Variants in MICAL3 observed in about 807,000 individuals in gnomAD.
MICAL3 encodes [F-actin]-monooxygenase MICAL3.
In MICAL3, 62 loss-of-function variants were observed where a neutral mutation model predicts 207.4. The observed-to-expected ratio is 0.30, with a 90% CI of 0.24 to 0.37. The LOEUF is 0.37. MICAL3 is among the 10% of genes least tolerant of loss of function. The pLI is 1.00. For synonymous variants in MICAL3, 1,077 were observed against 1,069.3 expected (o/e 1.01, Z -0.14); for missense variants, 2,368 against 2,635.6 (o/e 0.90, Z 2.22).
chr22:17,880,351 G>A (rs1403675469), intron 16 of MICAL3, among the ~76,000 whole-genome samples: 1 of 152,240 alleles, frequency 6.6e-6, no homozygotes, highest in Non-Finnish European at 1.5e-5. Context: ...AGCTTGAGAA[G>A]AACTGAGCGT....
intron 27 of MICAL3, chr22:17,813,618 A>C (rs1324154924): frequency 6.6e-6 from 1 of 152,274 alleles, no homozygotes; most frequent in Non-Finnish European, 1.5e-5. Flanking sequence ...CACAGGAACT[A>C]TGGACCACAC....
At chr22:17,919,234 G>A (rs1304772983) in intron 1 of MICAL3, among the ~76,000 whole-genome samples, 1 of 152,018 alleles carries the variant, frequency 6.6e-6, no homozygotes, top group Non-Finnish European at 1.5e-5. Context: ...ATAGCTAATT[G>A]TTTTTTACTT....
rs190031511 is a variant in MICAL3 at position 17,831,824 on chromosome 22, C to G, written c.3055+30G>C. 4.9e-5 allele frequency: 75 copies of G among 1,543,140 alleles called. No homozygotes were observed. In the African/African-American group the frequency reaches 9.1e-4, roughly 19 times the overall value. ...AAACAGATCACTTTGGGGGGCAGGG[C>G]AGAGTTCGGAGCAGAGATTTTGTTC... On this transcript the variant is annotated intron_variant, in intron 21 of 31. Coordinates refer to ENST00000441493, the MANE Select transcript of MICAL3 (RefSeq NM_015241.3).
rs1326789652 is a variant in MICAL3 at position 17,841,277 on chromosome 22, T to G, written c.2801+545A>C. On this transcript the variant is annotated intron_variant, in intron 20 of 31. Coordinates refer to ENST00000441493, the MANE Select transcript of MICAL3 (RefSeq NM_015241.3). The surrounding 1 kb of genome is among the most constrained non-coding windows in gnomAD (Gnocchi z 4.2). ...GTGGATATAGGGAGTCCTAGGGTTATAGCATGCACATCCCCAAAGGTGTCA... is the reference window on the plus strand; with the variant it reads ...GTGGATATAGGGAGTCCTAGGGTTAGAGCATGCACATCCCCAAAGGTGTCA... The G allele has an allele frequency of 1.2e-5, 2 of 170,434 alleles. No individual in the cohort carries two copies. The highest frequency in any genetic ancestry group is 4.7e-5 in the African/African-American group (2 of 42,116). The allele number at this position is 170,434 out of a possible 1,614,324, so 10.6% of individuals were successfully genotyped here.
At chr22:17,807,263 C>G (rs1218341863) in intron 29 of MICAL3, among the ~76,000 whole-genome samples, 2 of 152,222 alleles carry the variant, frequency 1.3e-5, no homozygotes, top group Admixed American at 6.5e-5. Context: ...CGCAGTCGGG[C>G]ACAGGTGGGC....
chr22:17,821,878 A>G (rs1378138848), intron 24 of MICAL3, among the ~76,000 whole-genome samples, 152 bp downstream of exon 24: 9 of 152,262 alleles, frequency 5.9e-5, no homozygotes, highest in Admixed American at 5.9e-4. Flanking sequence ...GAGGGTGGAC[A>G]GAGGAGGAAA....
In MICAL3 at chr22:17,902,127, G is replaced by A. The variant is rs1239862718; in HGVS notation, c.590-148C>T. On this transcript the variant is annotated intron_variant, in intron 4 of 31. Coordinates refer to ENST00000441493, the MANE Select transcript of MICAL3 (RefSeq NM_015241.3). This position sits in a 1 kb window ranked among gnomAD's most constrained non-coding sequence, Gnocchi z 4.5. ...AGCAGTGGAGACAGAGGCTGTGCAC[G>A]GTGGCTCGTGCCTCTAATCCCAGCA... 3 of 623,364 alleles carry A rather than the reference G, an allele frequency of 4.8e-6. No individual in the cohort carries two copies. Among genetic ancestry groups the A allele is most frequent in the Admixed American group, 5.4e-5 (2 of 37,338 alleles). The allele number at this position is 623,364 out of a possible 1,614,324, so 38.6% of individuals were successfully genotyped here.
At chr22:17,963,740 G>A (rs1003718921) in intron 1 of MICAL3, among the ~76,000 whole-genome samples, 4 of 152,172 alleles carry the variant, frequency 2.6e-5, no homozygotes, top group Admixed American at 2.6e-4. Context: ...TGCTGATCCA[G>A]CCAGGAGGGT....
intron 28 of MICAL3, 96 bp downstream of exon 28, chr22:17,810,607 C>T (rs1011514555): frequency 1.4e-5 from 14 of 1,001,150 alleles, no homozygotes; most frequent in Admixed American, 9.4e-5. Flanking sequence ...CTCTGCTCTG[C>T]ACTGTGCTTG....
At chr22:17,887,135 A>G (rs760771320) in intron 15 of MICAL3, 35 bp downstream of exon 15, 29 of 1,572,408 alleles carry the variant, frequency 1.8e-5, no homozygotes, top group African/African-American at 2.7e-5. Flanking sequence ...GCTATTCCAC[A>G]TGACCATTCT....
intron 1 of MICAL3, among the ~76,000 whole-genome samples, chr22:17,981,137 C>T (rs1935890122): frequency 6.6e-6 from 1 of 152,156 alleles, no homozygotes; most frequent in Non-Finnish European, 1.5e-5. Flanking sequence ...ATGCAGCACA[C>T]AATGGTAATA....
In MICAL3 at chr22:17,855,422, T is replaced by G. The variant is rs114593987; in HGVS notation, c.2605+9477A>C. On this transcript the variant is annotated intron_variant, in intron 19 of 31. Transcript: ENST00000441493. ...CTTTGAAACGTATCAGAAAATGAGGTGGTAGAGGAAAAGCCAACAGATTTA... is the reference window on the plus strand; with the variant it reads ...CTTTGAAACGTATCAGAAAATGAGGGGGTAGAGGAAAAGCCAACAGATTTA... Among the ~76,000 whole-genome samples, 617 of 151,918 alleles carry G rather than the reference T, an allele frequency of 4.1e-3. 1 individual carries two copies. Among genetic ancestry groups the G allele is most frequent in the African/African-American group, 0.014 (592 of 41,394 alleles).
At chr22:17,896,589 C>G in intron 8 of MICAL3, 135 bp downstream of exon 8, 1 of 950,416 alleles carries the variant, frequency 1.1e-6, no homozygotes, top group Non-Finnish European at 1.6e-6. Flanking sequence ...TCCTCTACTT[C>G]CTGGTGTGAC....
At chr22:17,947,740 T>TA (rs5844333) in intron 1 of MICAL3, among the ~76,000 whole-genome samples, 35,163 of 151,878 alleles carry the variant, frequency 0.23, 4,304 homozygotes, top group Middle Eastern at 0.29. Context: ...GATATTTTCT[T>TA]AAATTTTTTG....
chr22:17,818,181 A>C lies in MICAL3; in HGVS notation c.4480T>G (p.Trp1494Gly), dbSNP rs199672102. ...GCAGGCTCCCGGGGGGGCCGCATCC[A>C]GGTGGCGGGCAAGGGCGGCGGGACC... ...SVVPPPLPAT[W>G]MRPPREPAQP... The change falls in exon 26 of 32, where the codon TGG (tryptophan) becomes GGG (glycine). Residue 1494 changes from tryptophan to glycine, a missense_variant. By Grantham distance (184) the Trp-to-Gly change is radical (BLOSUM62 -2). Around this residue, in one of 4 missense-constraint regions of MICAL3, gnomAD observed 1,770 missense variants for 1,863.2 expected, o/e 0.95. Transcript: ENST00000441493. 1.2e-3 allele frequency: 1,878 copies of C among 1,578,782 alleles called. 1 individual carries two copies. Among genetic ancestry groups the C allele is most frequent in the Non-Finnish European group, 1.4e-3 (1,647 of 1,167,488 alleles).
chr22:17,928,433 C>T (rs924362810), intron 1 of MICAL3, among the ~76,000 whole-genome samples: 4 of 137,774 alleles, frequency 2.9e-5, no homozygotes, highest in African/African-American at 6.1e-5. Flanking sequence ...AGCAAGACTC[C>T]GTCTCAAAAA....
chr22:17,902,480 T>TAAGGCTGCATCCAGGCCAAGTCCCCA lies in MICAL3; in HGVS notation c.589+125_589+150dup, dbSNP rs1931404858. On this transcript the variant is annotated intron_variant, in intron 4 of 31. Coordinates refer to ENST00000441493, the MANE Select transcript of MICAL3 (RefSeq NM_015241.3). The surrounding 1 kb of genome is among the most constrained non-coding windows in gnomAD (Gnocchi z 4.5). ...CCACCACATGTGCGCCTGCGACATCTAAGGCTGCATCCAGGCCAAGTCCCC... is the reference window on the plus strand; with the variant it reads ...CCACCACATGTGCGCCTGCGACATCTAAGGCTGCATCCAGGCCAAGTCCCCAAAGGCTGCATCCAGGCCAAGTCCCC... The TAAGGCTGCATCCAGGCCAAGTCCCCA allele has an allele frequency of 3.6e-6, 2 of 554,938 alleles. No individual in the cohort carries two copies. Among genetic ancestry groups the TAAGGCTGCATCCAGGCCAAGTCCCCA allele is most frequent in the Non-Finnish European group, 6.5e-6 (2 of 309,184 alleles). The allele number at this position is 554,938 out of a possible 1,614,324, so 34.4% of individuals were successfully genotyped here. A position where few individuals can be genotyped will look rare whatever the true frequency, so the allele number is the denominator to read the frequency against.
At chr22:17,998,039 C>T (rs1057071186) in intron 1 of MICAL3, among the ~76,000 whole-genome samples, 3 of 152,086 alleles carry the variant, frequency 2.0e-5, no homozygotes, top group Non-Finnish European at 4.4e-5. Context: ...TGGTGGCTTA[C>T]GCCTGTAATC....
At chr22:17,805,495 T>C (rs771624803) in intron 29 of MICAL3, among the ~76,000 whole-genome samples, 1 of 152,166 alleles carries the variant, frequency 6.6e-6, no homozygotes, top group Non-Finnish European at 1.5e-5. Flanking sequence ...CAACGAAATA[T>C]CCCAACAGAG....
Sources: gnomAD v4.1 joint callset for allele counts (sites outside exome capture counted in the v4.1 genomes callset) on GRCh38, gnomAD v4.1.1 for gene constraint, gnomAD v4.1.1 regional missense constraint, Gnocchi (gnomAD v3.1) non-coding constraint, MANE v1.5 for transcripts, NCBI Gene and HGNC (gene_info 2026-07-23, HGNC 2026-07-21) for gene names.